KCNN2: variants seen among roughly 807,000 people sequenced by gnomAD.
KCNN2 encodes small conductance calcium-activated potassium channel protein 2.
Under a neutral mutation model 55.5 loss-of-function variants are expected in KCNN2, and 24 were observed. The observed-to-expected ratio is 0.43, with a 90% confidence interval of 0.31 to 0.61. The LOEUF is 0.61. KCNN2 is among the 20% of genes least tolerant of loss of function. The pLI is 0.08. For missense variants in KCNN2, 754 were observed against 853.6 expected (o/e 0.88, Z 1.45); for synonymous variants, 431 against 336.1 (o/e 1.28, Z -3.09).
intron 1 of KCNN2, among the ~76,000 whole-genome samples, chr5:114,214,190 T>C (rs1289370410): frequency 6.6e-6 from 1 of 151,970 alleles, no homozygotes. Context: ...AGTAAATAGC[T>C]TCGTATGCCA....
intron 1 of KCNN2, among the ~76,000 whole-genome samples, chr5:114,102,141 G>T (rs2112570512): frequency 6.6e-6 from 1 of 152,248 alleles, no homozygotes; most frequent in African/African-American, 2.4e-5. Context: ...GGCATGAGAT[G>T]ATATCTCATT....
chr5:114,175,791 C>T (rs1235826394), intron 1 of KCNN2, among the ~76,000 whole-genome samples: 1 of 152,084 alleles, frequency 6.6e-6, no homozygotes, highest in Admixed American at 6.6e-5. Flanking sequence ...GTTGCAATTG[C>T]ACTTTAGTTG....
chr5:114,394,738 T>C (rs986800503), intron 2 of KCNN2, among the ~76,000 whole-genome samples: 1 of 152,212 alleles, frequency 6.6e-6, no homozygotes, highest in Non-Finnish European at 1.5e-5. Context: ...TTCCATAAGC[T>C]GTATTTTCCC....
chr5:114,420,364 C>T (rs1489689513), intron 3 of KCNN2, among the ~76,000 whole-genome samples: 1 of 152,198 alleles, frequency 6.6e-6, no homozygotes, highest in Admixed American at 6.5e-5. Flanking sequence ...ATAAAATAAC[C>T]TTTATTGCTA....
At chr5:114,398,644 G>A (rs1758693434) in intron 2 of KCNN2, among the ~76,000 whole-genome samples, 1 of 152,016 alleles carries the variant, frequency 6.6e-6, no homozygotes, top group Non-Finnish European at 1.5e-5. Flanking sequence ...TGGGCAGTAT[G>A]GCCATTTTAA....
At chr5:114,088,038 A>T (rs1751052502) in intron 1 of KCNN2, among the ~76,000 whole-genome samples, 1 of 151,954 alleles carries the variant, frequency 6.6e-6, no homozygotes, top group Admixed American at 6.6e-5. Context: ...CTTCCTTTAA[A>T]CCATCTTTAG....
chr5:114,205,871 A>G (rs1753757273), intron 1 of KCNN2, among the ~76,000 whole-genome samples: 1 of 152,206 alleles, frequency 6.6e-6, no homozygotes, highest in East Asian at 1.9e-4. Flanking sequence ...ATTTCTTTTC[A>G]AAGGAATAGA....
chr5:114,447,906 G>A (rs1760486254), intron 3 of KCNN2, among the ~76,000 whole-genome samples: 1 of 152,130 alleles, frequency 6.6e-6, no homozygotes, highest in East Asian at 1.9e-4. Context: ...TAATATTTAA[G>A]AATAATGAAA....
At chr5:114,167,922 G>A (rs2112539518) in intron 1 of KCNN2, among the ~76,000 whole-genome samples, 1 of 152,148 alleles carries the variant, frequency 6.6e-6, no homozygotes, top group East Asian at 1.9e-4. Flanking sequence ...TCATGCAGTA[G>A]GTACTCTTAC....
chr5:114,387,238 A>T (rs73782219), intron 2 of KCNN2, among the ~76,000 whole-genome samples: 6,526 of 152,324 alleles, frequency 0.043, 489 homozygotes, highest in African/African-American at 0.15. Flanking sequence ...AGCTAGTCCC[A>T]TGATTTGTGC....
At chr5:114,447,610 G>C (rs1760469029) in intron 3 of KCNN2, among the ~76,000 whole-genome samples, 1 of 152,170 alleles carries the variant, frequency 6.6e-6, no homozygotes, top group African/African-American at 2.4e-5. Flanking sequence ...TCAAAGTGCA[G>C]AGGCTATTCT....
chr5:114,428,809 G>T (rs1473486095), intron 3 of KCNN2, among the ~76,000 whole-genome samples: 1 of 151,882 alleles, frequency 6.6e-6, no homozygotes, highest in Non-Finnish European at 1.5e-5. Flanking sequence ...ATGTCATATA[G>T]TTGAATTCAT....
At chr5:114,171,294 T>C (rs1054922081) in intron 1 of KCNN2, among the ~76,000 whole-genome samples, 2 of 151,996 alleles carry the variant, frequency 1.3e-5, no homozygotes, top group Non-Finnish European at 2.9e-5. Context: ...TGCAGTTCTC[T>C]TAAATATGAC....
At chr5:114,168,934 A>G (rs1434215885) in intron 1 of KCNN2, among the ~76,000 whole-genome samples, 1 of 152,066 alleles carries the variant, frequency 6.6e-6, no homozygotes, top group Non-Finnish European at 1.5e-5. Context: ...TATTGGAGGT[A>G]GGGCCTGGTG....
intron 6 of KCNN2, among the ~76,000 whole-genome samples, chr5:114,491,947 C>T (rs889994735): frequency 2.0e-5 from 3 of 152,090 alleles, no homozygotes; most frequent in Non-Finnish European, 4.4e-5. Flanking sequence ...TCTTTCTCAA[C>T]AATATATTGG....
chr5:114,271,928 C>T (rs1051419098), intron 2 of KCNN2, among the ~76,000 whole-genome samples: 1 of 152,056 alleles, frequency 6.6e-6, no homozygotes, highest in African/African-American at 2.4e-5. Context: ...AACTATTGTG[C>T]TAATGAGGAG....
At chr5:114,388,341 G>A (rs1314065248) in intron 2 of KCNN2, among the ~76,000 whole-genome samples, 1 of 151,938 alleles carries the variant, frequency 6.6e-6, no homozygotes, top group African/African-American at 2.4e-5. Flanking sequence ...ATCTTCTAGT[G>A]GTTACTCTTA....
At chr5:114,420,255 T>C (rs973793642) in intron 3 of KCNN2, among the ~76,000 whole-genome samples, 1 of 152,244 alleles carries the variant, frequency 6.6e-6, no homozygotes, top group Non-Finnish European at 1.5e-5. Context: ...AGGGAAATAA[T>C]GTAAAGTCTT....
At chr5:114,414,438 T>C (rs1194651329) in intron 3 of KCNN2, among the ~76,000 whole-genome samples, 3 of 152,198 alleles carry the variant, frequency 2.0e-5, no homozygotes, top group Non-Finnish European at 4.4e-5. Context: ...TAGGAGGGAC[T>C]ATGTGAACTG....
Sources: gnomAD v4.1 joint callset for allele counts (sites outside exome capture counted in the v4.1 genomes callset) on GRCh38, gnomAD v4.1.1 for gene constraint, MANE v1.5 for transcripts, NCBI Gene and HGNC (gene_info 2026-07-23, HGNC 2026-07-21) for gene names.